The following PHACTR3 variants were observed in gnomAD, a reference collection of about 807,000 sequenced individuals.
The protein encoded by PHACTR3 is protein phosphatase 1, regulatory subunit 123.
A neutral mutation model predicts 66.8 loss-of-function variants in PHACTR3; 16 were observed. The observed-to-expected ratio is 0.24, with a 90% CI of 0.16 to 0.36. The LOEUF (loss-of-function observed/expected upper bound fraction) is 0.36. Ranked by LOEUF, PHACTR3 falls within the 10% of genes least tolerant of loss-of-function variation. PHACTR3 has a pLI of 1.00. For synonymous variants in PHACTR3, 323 were observed against 292.1 expected (o/e 1.11, Z -1.08); for missense variants, 647 against 719.9 (o/e 0.90, Z 1.16).
chr20:59,620,772 A>G (rs1600933277), intron 1 of PHACTR3, among the ~76,000 whole-genome samples: 1 of 151,996 alleles, frequency 6.6e-6, no homozygotes, highest in East Asian at 1.9e-4. Flanking sequence ...TTCTCATCAC[A>G]CCCTTTCCCA....
chr20:59,788,040 G>A (rs1224690757), intron 7 of PHACTR3, among the ~76,000 whole-genome samples: 1 of 152,078 alleles, frequency 6.6e-6, no homozygotes, highest in Non-Finnish European at 1.5e-5. Flanking sequence ...TGAGATCCTT[G>A]TGCACTCATC....
At chr20:59,594,066 C>T (rs937803182) in intron 1 of PHACTR3, among the ~76,000 whole-genome samples, 3 of 152,126 alleles carry the variant, frequency 2.0e-5, no homozygotes, top group East Asian at 3.9e-4. Flanking sequence ...ATTGAATTTA[C>T]GGGTCAAATA....
In PHACTR3 at chr20:59,738,498, G is replaced by A. The variant is rs1166951187; in HGVS notation, c.119-4609G>A. ...TGCTGGGGCAGGGATGCTGGTACTGGACCAGGGTTGTTATGATGCAGGTGG... is the reference window on the plus strand; with the variant it reads ...TGCTGGGGCAGGGATGCTGGTACTGAACCAGGGTTGTTATGATGCAGGTGG... On this transcript the variant is annotated intron_variant, in intron 1 of 12. Coordinates refer to ENST00000371015, the MANE Select transcript of PHACTR3 (RefSeq NM_080672.5). This position sits in a 1 kb window ranked among gnomAD's most constrained non-coding sequence, Gnocchi z 4.4. Among the ~76,000 whole-genome samples, 2 of 152,032 alleles carry A rather than the reference G, an allele frequency of 1.3e-5. No homozygotes were observed. Among genetic ancestry groups the A allele is most frequent in the Non-Finnish European group, 1.5e-5 (1 of 67,888 alleles).
chr20:59,783,705 C>G (rs1056521836), intron 7 of PHACTR3, among the ~76,000 whole-genome samples: 1 of 152,216 alleles, frequency 6.6e-6, no homozygotes, highest in Non-Finnish European at 1.5e-5. Flanking sequence ...TCATAGGTGC[C>G]AGGCACTGCC....
chr20:59,846,656 AATGTGG>A (rs1277099316), intron 12 of PHACTR3, among the ~76,000 whole-genome samples: 16 of 152,306 alleles, frequency 1.1e-4, no homozygotes, highest in African/African-American at 3.4e-4. Context: ...TAATACTTAA[AATGTGG>A]TATAAAGACC....
At chr20:59,774,614 C>T in intron 7 of PHACTR3, 124 bp downstream of exon 7, 1 of 1,307,226 alleles carries the variant, frequency 7.6e-7, no homozygotes, top group East Asian at 2.4e-5. Flanking sequence ...TGGGGAGAAA[C>T]AAGAGGGGGG....
intron 1 of PHACTR3, among the ~76,000 whole-genome samples, chr20:59,650,345 C>G (rs1439745025): frequency 2.6e-5 from 4 of 151,988 alleles, no homozygotes; most frequent in African/African-American, 9.7e-5. Flanking sequence ...ATATATGAAG[C>G]TGTATCCTGT....
chr20:59,812,816 T>C (rs2041775844), intron 8 of PHACTR3, among the ~76,000 whole-genome samples: 1 of 152,194 alleles, frequency 6.6e-6, no homozygotes, highest in South Asian at 2.1e-4. Flanking sequence ...GCCGTGACGC[T>C]GGGCAGGTGC....
chr20:59,725,261 C>T (rs1228686193), intron 1 of PHACTR3, among the ~76,000 whole-genome samples: 1 of 148,824 alleles, frequency 6.7e-6, no homozygotes, highest in Non-Finnish European at 1.5e-5. Flanking sequence ...GCCCAGGTGT[C>T]CTGTGTGCTC....
rs751797388 is a variant in PHACTR3, at chr20:59,743,064, G to A, written c.119-43G>A. 22 of 1,595,054 alleles carry A rather than the reference G, an allele frequency of 1.4e-5. No homozygotes were observed. In the Admixed American group the frequency reaches 1.7e-4, roughly 12 times the overall value. On this transcript the variant is annotated intron_variant, in intron 1 of 12. Transcript: ENST00000371015. ...CCTTGGGCCCCCAGGAGTCACATAG[G>A]TTTGGTGGCCACTTGAGGACCCCCT...
At chr20:59,592,484 G>T (rs530471753) in intron 1 of PHACTR3, among the ~76,000 whole-genome samples, 107 of 152,268 alleles carry the variant, frequency 7.0e-4, no homozygotes, top group African/African-American at 2.5e-3. Context: ...TTACATTAGG[G>T]TGCATTCTTC....
At chr20:59,844,935 TG>T (rs1417222011) in intron 11 of PHACTR3, 3 of 319,902 alleles carry the variant, frequency 9.4e-6, no homozygotes, top group African/African-American at 6.5e-5. Context: ...ACATGTACCC[TG>T]TATATATGTA....
intron 9 of PHACTR3, among the ~76,000 whole-genome samples, chr20:59,838,403 C>G (rs1220678311): frequency 6.6e-6 from 1 of 152,144 alleles, no homozygotes; most frequent in Non-Finnish European, 1.5e-5. Flanking sequence ...TCATGACTAA[C>G]TGCAGTCATA....
At position 59,581,315 on chromosome 20, in the gene PHACTR3, G is replaced by A. The variant is rs371453190; in HGVS notation, c.109+3698G>A. On this transcript the variant is annotated intron_variant, in intron 1 of 12. Transcript: ENST00000359926. Reference sequence around the variant, plus strand: ...CTCGAGAAGGCCCTGGGAGAGGTGTGACCTGGCTACACATCTTCGTTTCTC... The same window carrying A: ...CTCGAGAAGGCCCTGGGAGAGGTGTAACCTGGCTACACATCTTCGTTTCTC... Among the ~76,000 whole-genome samples, 7 of 152,336 alleles carry A rather than the reference G, an allele frequency of 4.6e-5. 1 individual carries two copies. In the East Asian group the frequency reaches 7.7e-4, roughly 17 times the overall value.
intron 1 of PHACTR3, among the ~76,000 whole-genome samples, chr20:59,706,203 A>T (rs1177839947): frequency 6.6e-6 from 1 of 152,192 alleles, no homozygotes; most frequent in African/African-American, 2.4e-5. Context: ...GGCCTGTAGT[A>T]TCTGGATTTC....
intron 8 of PHACTR3, among the ~76,000 whole-genome samples, chr20:59,826,561 C>A (rs948116552): frequency 2.0e-5 from 3 of 152,064 alleles, no homozygotes; most frequent in African/African-American, 7.2e-5. Flanking sequence ...TGTCTCTGCA[C>A]ACACCCTCCT....
chr20:59,618,611 A>T (rs1399717415), intron 1 of PHACTR3, among the ~76,000 whole-genome samples: 1 of 152,174 alleles, frequency 6.6e-6, no homozygotes, highest in Non-Finnish European at 1.5e-5. Context: ...GAGGGAAGGG[A>T]AGGGTATGTG....
chr20:59,663,553 TTGTGAAGCTGACA>T (rs2035887487), intron 1 of PHACTR3, among the ~76,000 whole-genome samples: 1 of 152,236 alleles, frequency 6.6e-6, no homozygotes. Context: ...AAAGCCGTTC[TTGTGAAGCTGACA>T]TGTAGTCCAG....
chr20:59,743,797 G>A (rs1304561903), intron 2 of PHACTR3, among the ~76,000 whole-genome samples: 1 of 152,200 alleles, frequency 6.6e-6, no homozygotes, highest in Non-Finnish European at 1.5e-5. Flanking sequence ...GTTTGGCTTT[G>A]ACACCTCTGG....
Sources: gnomAD v4.1 joint callset for allele counts (sites outside exome capture counted in the v4.1 genomes callset) on GRCh38, gnomAD v4.1.1 for gene constraint, Gnocchi (gnomAD v3.1) non-coding constraint, MANE v1.5 for transcripts, NCBI Gene and HGNC (gene_info 2026-07-23, HGNC 2026-07-21) for gene names.